Variants in DNAH12 observed in about 807,000 individuals in gnomAD.
The protein encoded by DNAH12 is dynein axonemal heavy chain 12.
A neutral mutation model predicts 371.5 loss-of-function variants in DNAH12; 285 were observed. The ratio of observed to expected loss-of-function variants is 0.77; its 90% confidence interval spans 0.70 to 0.85. The LOEUF is 0.85. DNAH12 is among the 40% of genes least tolerant of loss of function. The pLI is 0.00. For synonymous variants in DNAH12, 1,200 were observed against 1,213.0 expected, an observed-to-expected ratio of 0.99 and a Z score of 0.22; for missense variants, 3,611 against 3,689.4, an observed-to-expected ratio of 0.98 and a Z score of 0.55.
At chr3:57,413,992 C>A in intron 38 of DNAH12, 80 bp from the exon 39 acceptor site, 1 of 1,381,322 alleles carries the variant, frequency 7.2e-7, no homozygotes, top group Non-Finnish European at 9.7e-7. Flanking sequence ...TCAGTATCAA[C>A]AAGTAAAACA....
At chr3:57,412,593 TAAG>T (rs1408136360) in intron 39 of DNAH12, among the ~76,000 whole-genome samples, 10 of 152,048 alleles carry the variant, frequency 6.6e-5, no homozygotes, top group African/African-American at 2.4e-4. Flanking sequence ...AACTAAATGA[TAAG>T]AAAGCAAACA....
intron 72 of DNAH12, 73 bp downstream of exon 72, chr3:57,296,271 T>A: frequency 1.6e-6 from 2 of 1,217,888 alleles, no homozygotes; most frequent in South Asian, 1.7e-5. Flanking sequence ...ACTTTTTTTT[T>A]AAGCAACAGA....
At chr3:57,406,901 ACTT>A (rs2064046931) in intron 40 of DNAH12, among the ~76,000 whole-genome samples, 2 of 151,934 alleles carry the variant, frequency 1.3e-5, no homozygotes, top group Non-Finnish European at 2.9e-5. Flanking sequence ...AAACAAAAAA[ACTT>A]TTTTTTTATT....
intron 58 of DNAH12, among the ~76,000 whole-genome samples, chr3:57,361,452 ATATATATATATATATATATC>A (rs1334793148): frequency 7.0e-6 from 1 of 143,060 alleles, no homozygotes; most frequent in African/African-American, 2.8e-5. Flanking sequence ...CACTATATAT[ATATATATATATATATATATC>A]TCATTCAGCT....
chr3:57,367,577 CAG>C (rs1311312793), intron 56 of DNAH12, among the ~76,000 whole-genome samples: 2 of 152,138 alleles, frequency 1.3e-5, no homozygotes, highest in African/African-American at 4.8e-5. Context: ...TTTTTATAAA[CAG>C]AAAGATATTA....
At chr3:57,479,829 A>G (rs1278310164) in intron 13 of DNAH12, among the ~76,000 whole-genome samples, 2 of 152,228 alleles carry the variant, frequency 1.3e-5, no homozygotes, top group African/African-American at 2.4e-5. Flanking sequence ...CTACTGGTAC[A>G]TAACGAAATG....
intron 8 of DNAH12, among the ~76,000 whole-genome samples, chr3:57,505,806 A>T (rs2067736551): frequency 6.6e-6 from 1 of 151,956 alleles, no homozygotes; most frequent in African/African-American, 2.4e-5. Context: ...GCACAATCAT[A>T]GTTCACAGCA....
chr3:57,450,519 G>C (rs902526835), intron 25 of DNAH12, among the ~76,000 whole-genome samples: 1 of 152,214 alleles, frequency 6.6e-6, no homozygotes, highest in Non-Finnish European at 1.5e-5. Context: ...TTGCACTCTA[G>C]CCTGGGCAAC....
intron 69 of DNAH12, among the ~76,000 whole-genome samples, chr3:57,306,086 C>T (rs1013352725): frequency 2.6e-5 from 4 of 152,158 alleles, no homozygotes; most frequent in Admixed American, 1.3e-4. Context: ...CTCCCAGAGC[C>T]CCTGGAACTC....
intron 11 of DNAH12, among the ~76,000 whole-genome samples, 186 bp downstream of exon 11, chr3:57,501,135 A>G (rs1407288869): frequency 1.3e-5 from 2 of 152,204 alleles, no homozygotes; most frequent in Non-Finnish European, 2.9e-5. Context: ...GTGATAAGGA[A>G]ATTTTTATTG....
Position 57,421,539 on chromosome 3 carries a change from C to T in DNAH12, c.5541G>A (p.Leu1847=). ...KWECPFDEKG[L]VYDYMYELKN... ...ATACCTCATACATGTAGTCATAGAC[C>T]AGGCCTTTTTCATCAAATGGGCATT... The change falls in exon 36 of 74, where the codon CTG becomes CTA. Residue 1847 remains leucine, a synonymous_variant. Transcript: ENST00000495027. The T allele has an allele frequency of 6.4e-7, 1 of 1,551,554 alleles. No homozygotes were observed. Among genetic ancestry groups the T allele is most frequent in the South Asian group, 1.2e-5 (1 of 84,062 alleles).
chr3:57,461,659 T>C lies in DNAH12; in HGVS notation c.2566A>G (p.Met856Val), dbSNP rs1177030692. The change falls in exon 19 of 74, where the codon ATG becomes GTG. Residue 856 changes from methionine (M) to valine (V), a missense_variant. Coordinates refer to ENST00000495027, the MANE Select transcript of DNAH12 (RefSeq NM_001366028.2). ...EFSLEKAMNT[M>V]IGTWEDIAFH... ...GCAATATCTTCCCAAGTTCCTATCA[T>C]TGTATTCATGGCTTTCTCTAATGAA... 1.3e-6 allele frequency: 2 copies of C among 1,551,034 alleles called. No individual in the cohort carries two copies. The highest frequency in any genetic ancestry group is 1.7e-6 in the Non-Finnish European group (2 of 1,146,790).
chr3:57,371,965 A>AAAAAT (rs1366790985), intron 55 of DNAH12, among the ~76,000 whole-genome samples: 1 of 142,578 alleles, frequency 7.0e-6, no homozygotes, highest in African/African-American at 2.6e-5. Context: ...AAAAAAAAAA[A>AAAAAT]TTCTTTCAAA....
chr3:57,355,857 G>A (rs1388519008), intron 59 of DNAH12, among the ~76,000 whole-genome samples: 3 of 152,060 alleles, frequency 2.0e-5, no homozygotes, highest in South Asian at 4.2e-4. Flanking sequence ...GGCTCAAGTC[G>A]TATTTTTATT....
At chr3:57,381,656 G>T (rs920191682) in intron 50 of DNAH12, among the ~76,000 whole-genome samples, 3,600 of 152,090 alleles carry the variant, frequency 0.024, 64 homozygotes, top group Admixed American at 0.035. Flanking sequence ...CACACTGCTA[G>T]TGGGGTCCGG....
At chr3:57,448,128 G>A (rs2065586847) in intron 25 of DNAH12, among the ~76,000 whole-genome samples, 1 of 152,204 alleles carries the variant, frequency 6.6e-6, no homozygotes, top group Non-Finnish European at 1.5e-5. Flanking sequence ...GTCTGGAATT[G>A]GTGGGTGCTT....
intron 25 of DNAH12, among the ~76,000 whole-genome samples, chr3:57,447,097 G>A (rs1245855701): frequency 6.6e-6 from 1 of 152,118 alleles, no homozygotes; most frequent in Non-Finnish European, 1.5e-5. Context: ...ACCCATGATT[G>A]GGAAAAGAAA....
At chr3:57,348,349 G>A (rs2062593090) in intron 60 of DNAH12, among the ~76,000 whole-genome samples, 2 of 152,176 alleles carry the variant, frequency 1.3e-5, no homozygotes, top group African/African-American at 4.8e-5. Context: ...GATTGGCAGG[G>A]TTGAGGGGAG....
At chr3:57,447,731 G>C (rs772642260) in intron 25 of DNAH12, among the ~76,000 whole-genome samples, 1 of 152,138 alleles carries the variant, frequency 6.6e-6, no homozygotes, top group Non-Finnish European at 1.5e-5. Context: ...CTGGAGCACA[G>C]TGGTGAGATC....
Sources: gnomAD v4.1 joint callset for allele counts (sites outside exome capture counted in the v4.1 genomes callset) on GRCh38, gnomAD v4.1.1 for gene constraint, MANE v1.5 for transcripts, NCBI Gene and HGNC (gene_info 2026-07-23, HGNC 2026-07-21) for gene names.